Variants in MYO5A observed in about 807,000 individuals in gnomAD.
The protein encoded by MYO5A is myosin VA.
Under a neutral mutation model 249.7 loss-of-function variants are expected in MYO5A, and 98 were observed. The ratio of observed to expected loss-of-function variants is 0.39; its 90% CI spans 0.33 to 0.46. The LOEUF (loss-of-function observed/expected upper bound fraction) is 0.46, where lower values mean the gene tolerates loss of function less well. MYO5A is among the 20% of genes least tolerant of loss of function. MYO5A has a pLI of 0.98. For missense variants in MYO5A, 1,696 were observed against 2,308.8 expected (o/e 0.73, Z 5.44); for synonymous variants, 778 against 810.6 (o/e 0.96, Z 0.68).
intron 5 of MYO5A, among the ~76,000 whole-genome samples, 192 bp from the exon 6 acceptor site, chr15:52,410,668 C>A (rs969228483): frequency 6.7e-6 from 1 of 150,116 alleles, no homozygotes; most frequent in South Asian, 2.1e-4. Flanking sequence ...CTCCCTGCAA[C>A]CTCCGCCTCC....
Position 52,343,110 on chromosome 15 carries a change from A to G in MYO5A, c.4040+7T>C. ...ATAACATTCCATTTTGAGGAGACAA[A>G]TATAACCTGTTGGCTTGTTTTAACC... On this transcript the variant is annotated splice_region_variant and intron_variant, in intron 31 of 41. Coordinates refer to ENST00000399233, the MANE Select transcript of MYO5A (RefSeq NM_001382347.1). 2 of 1,606,088 alleles carry G rather than the reference A, an allele frequency of 1.2e-6. No homozygotes were observed. The highest frequency in any genetic ancestry group is 1.7e-4 in the Middle Eastern group (1 of 6,050).
intron 25 of MYO5A, among the ~76,000 whole-genome samples, chr15:52,357,491 CTT>C: frequency 6.7e-6 from 1 of 150,090 alleles, no homozygotes; most frequent in Middle Eastern, 3.6e-3. Flanking sequence ...TGGGTTAACT[CTT>C]TAGACATTGG....
At chr15:52,430,156 T>C (rs2075494643) in intron 2 of MYO5A, among the ~76,000 whole-genome samples, 1 of 152,208 alleles carries the variant, frequency 6.6e-6, no homozygotes, top group South Asian at 2.1e-4. Flanking sequence ...AATTTACCAC[T>C]CAGCATTTCT....
At chr15:52,516,338 T>C (rs2077495153) in intron 1 of MYO5A, among the ~76,000 whole-genome samples, 1 of 152,224 alleles carries the variant, frequency 6.6e-6, no homozygotes, top group African/African-American at 2.4e-5. Context: ...ATCACTATTA[T>C]TTGATAATTT....
rs764371254 is a variant in MYO5A at position 52,376,435 on chromosome 15, G to A, written c.2332C>T (p.Arg778Ter). Residue 778 changes from arginine (R) to a stop codon, truncating the protein, a stop_gained, in exon 19 of 42, where the codon CGA (arginine) becomes TGA (stop). Transcript: ENST00000399233. LOFTEE classifies it high-confidence loss of function. Reference protein sequence around the residue: ...AACIRIQKTIRGWLLRKKYLR... With the variant: ...AACIRIQKTI The stretch of plus-strand genomic sequence containing the variant: ...TACTTCTTTCTCAGCAGCCACCCTC[G>A]GATGGTCTTCTGGATCCGGATGCAG... 1.9e-6 allele frequency: 3 copies of A among 1,614,096 alleles called. No homozygotes were observed. The highest frequency in any genetic ancestry group is 2.5e-6 in the Non-Finnish European group (3 of 1,180,006).
intron 36 of MYO5A, among the ~76,000 whole-genome samples, chr15:52,326,352 TC>T (rs1734492391): frequency 6.6e-6 from 1 of 152,244 alleles, no homozygotes; most frequent in African/African-American, 2.4e-5. Context: ...TTATAGTTTA[TC>T]TAAGTACAAT....
intron 5 of MYO5A, among the ~76,000 whole-genome samples, chr15:52,412,309 C>T (rs2043284778): frequency 6.6e-6 from 1 of 152,184 alleles, no homozygotes; most frequent in Non-Finnish European, 1.5e-5. Flanking sequence ...GTCAGAGTGG[C>T]CCACCTGCCG....
intron 22 of MYO5A, among the ~76,000 whole-genome samples, chr15:52,367,937 T>C (rs2040897338): frequency 6.6e-6 from 1 of 150,942 alleles, no homozygotes; most frequent in Admixed American, 6.6e-5. Context: ...AACTTTCTAG[T>C]TCTTTGCTGG....
At chr15:52,368,434 C>A (rs1456812719) in intron 22 of MYO5A, among the ~76,000 whole-genome samples, 1 of 152,110 alleles carries the variant, frequency 6.6e-6, no homozygotes, top group Non-Finnish European at 1.5e-5. Context: ...GGATAGCTCC[C>A]TTTTTATATA....
chr15:52,334,451 A>G, intron 34 of MYO5A, among the ~76,000 whole-genome samples: 1 of 152,188 alleles, frequency 6.6e-6, no homozygotes, highest in East Asian at 1.9e-4. Context: ...ATTATAGCTC[A>G]TGTGTGTGTG....
intron 1 of MYO5A, among the ~76,000 whole-genome samples, chr15:52,453,672 T>C (rs1358446643): frequency 6.6e-6 from 1 of 152,040 alleles, no homozygotes; most frequent in Non-Finnish European, 1.5e-5. Flanking sequence ...AATATGTAAA[T>C]TGAGACAATA....
rs765053997 is a variant in MYO5A, at chr15:52,353,884, C to T, written c.3554G>A (p.Arg1185His). 9 of 1,613,882 alleles carry T rather than the reference C, an allele frequency of 5.6e-6. No homozygotes were observed. Among genetic ancestry groups the T allele is most frequent in the Admixed American group, 1.7e-5 (1 of 60,012 alleles). ...TGTGCTGCGCACCTTGGCCTTGCTG[C>T]GGAGCACCTGCTCCTCCTTGCGGTC... ...ELDRKEEQVL[R>H]SKAKEEERPQ... Residue 1185 changes from arginine (R) to histidine (H), a missense_variant, in exon 26 of 42, where the codon CGC becomes CAC. Around this residue, in one of 5 missense-constraint regions of MYO5A, gnomAD observed 625 missense variants for 908.1 expected, o/e 0.69. Coordinates refer to ENST00000399233, the MANE Select transcript of MYO5A (RefSeq NM_001382347.1).
At position 52,370,240 on chromosome 15, in the gene MYO5A, G is replaced by C; in HGVS notation, c.2995C>G (p.Leu999Val). ...QEEIAKLRKD[L>V]EQTRSEKKCI... ...TTTTTCTCTGAACGAGTTTGCTCCAGGTCTTTCCGGAGCTTGGCAATTTCT... is the reference window on the plus strand; with the variant it reads ...TTTTTCTCTGAACGAGTTTGCTCCACGTCTTTCCGGAGCTTGGCAATTTCT... Residue 999 changes from leucine to valine, a missense_variant, in exon 22 of 42, where the codon CTG becomes GTG. Coordinates refer to ENST00000399233, the MANE Select transcript of MYO5A (RefSeq NM_001382347.1). 1 of 1,614,082 alleles carries C rather than the reference G, an allele frequency of 6.2e-7. No individual in the cohort carries two copies. The highest frequency in any genetic ancestry group is 8.5e-7 in the Non-Finnish European group (1 of 1,179,994).
chr15:52,432,067 T>G (rs533399772), intron 2 of MYO5A, among the ~76,000 whole-genome samples: 2 of 152,220 alleles, frequency 1.3e-5, no homozygotes, highest in South Asian at 2.1e-4. Context: ...TAAATAATGA[T>G]AGTAATGAAG....
At chr15:52,455,381 T>A (rs2076097472) in intron 1 of MYO5A, among the ~76,000 whole-genome samples, 1 of 151,992 alleles carries the variant, frequency 6.6e-6, no homozygotes, top group Non-Finnish European at 1.5e-5. Context: ...TACCAAGCAG[T>A]TAAGGAAGAA....
chr15:52,497,543 G>T (rs923128329), intron 1 of MYO5A, among the ~76,000 whole-genome samples: 1 of 151,030 alleles, frequency 6.6e-6, no homozygotes, highest in African/African-American at 2.4e-5. Context: ...GATTGCCTGA[G>T]CTCAGGAGTT....
At chr15:52,511,991 G>A (rs553074914) in intron 1 of MYO5A, among the ~76,000 whole-genome samples, 2 of 151,974 alleles carry the variant, frequency 1.3e-5, no homozygotes, top group East Asian at 3.9e-4. Context: ...GTGAAACCCC[G>A]CCTCTACTAA....
At chr15:52,471,605 A>ACACACG (rs1416766152) in intron 1 of MYO5A, among the ~76,000 whole-genome samples, 1 of 151,174 alleles carries the variant, frequency 6.6e-6, no homozygotes, top group Non-Finnish European at 1.5e-5. Context: ...ACACACACAC[A>ACACACG]CACACACACA....
At chr15:52,450,007 A>G (rs943020879) in intron 1 of MYO5A, among the ~76,000 whole-genome samples, 1 of 152,102 alleles carries the variant, frequency 6.6e-6, no homozygotes, top group Non-Finnish European at 1.5e-5. Context: ...GTCTCCAAAA[A>G]AAAAATTGAA....
Sources: gnomAD v4.1 joint callset for allele counts (sites outside exome capture counted in the v4.1 genomes callset) on GRCh38, gnomAD v4.1.1 for gene constraint, gnomAD v4.1.1 regional missense constraint, MANE v1.5 for transcripts, NCBI Gene and HGNC (gene_info 2026-07-23, HGNC 2026-07-21) for gene names.